RBFOX1: variants seen among roughly 807,000 people sequenced by gnomAD.
RBFOX1 encodes the protein RNA binding fox-1 homolog 1.
In RBFOX1, 8 loss-of-function variants were observed where a neutral mutation model predicts 57.7. The observed-to-expected ratio is 0.14, with a 90% CI of 0.08 to 0.25. RBFOX1 has a LOEUF of 0.25. RBFOX1 is among the 10% of genes least tolerant of loss of function. The probability of loss-of-function intolerance (pLI) is 1.00; values close to 1 mark genes in which losing one functional copy is unlikely to be tolerated. For missense variants in RBFOX1, 611 were observed against 548.5 expected, an observed-to-expected ratio of 1.11 and a Z score of -1.14; for synonymous variants, 326 against 222.4, an observed-to-expected ratio of 1.47 and a Z score of -4.15.
At position 7,616,651 on chromosome 16, in the gene RBFOX1, C is replaced by T. The variant is rs2058495229; in HGVS notation, c.676+9313C>T. 2.6e-5 allele frequency among the ~76,000 whole-genome samples: 4 copies of T among 152,220 alleles called. No homozygotes were observed. The South Asian group carries it at 8.3e-4, about 32-fold the overall frequency. On this transcript the variant is annotated intron_variant, in intron 10 of 15. Transcript: ENST00000550418. ...TTATCTTGTTTCACTGCAACCTCTGCCTCCCAGGTAGCTGGGATTACTGGT... is the reference window on the plus strand; with the variant it reads ...TTATCTTGTTTCACTGCAACCTCTGTCTCCCAGGTAGCTGGGATTACTGGT...
chr16:7,253,957 G>A (rs1310031759), intron 4 of RBFOX1, among the ~76,000 whole-genome samples: 7 of 152,184 alleles, frequency 4.6e-5, no homozygotes, highest in African/African-American at 7.2e-5. Flanking sequence ...GACTATTACA[G>A]TGTGAGACAG....
At chr16:5,275,930 A>T (rs1262954678) in intron 1 of RBFOX1, among the ~76,000 whole-genome samples, 1 of 152,122 alleles carries the variant, frequency 6.6e-6, no homozygotes, top group African/African-American at 2.4e-5. Flanking sequence ...AAAGCAAAGT[A>T]AGGAAAGTAC....
At chr16:7,537,278 A>G (rs180844463) in intron 5 of RBFOX1, among the ~76,000 whole-genome samples, 1 of 152,324 alleles carries the variant, frequency 6.6e-6, no homozygotes, top group African/African-American at 2.4e-5. Context: ...TGACCAAATA[A>G]TCTGCCAGAG....
At chr16:5,747,049 A>T (rs1316426621) in intron 3 of RBFOX1, among the ~76,000 whole-genome samples, 2 of 152,118 alleles carry the variant, frequency 1.3e-5, no homozygotes, top group Non-Finnish European at 2.9e-5. Flanking sequence ...TAGGATGGGA[A>T]TGCATCCCAT....
At chr16:6,805,753 T>C (rs2086616890) in intron 3 of RBFOX1, among the ~76,000 whole-genome samples, 1 of 152,152 alleles carries the variant, frequency 6.6e-6, no homozygotes, top group Non-Finnish European at 1.5e-5. Context: ...GGTTTTTCCC[T>C]CCACTGTAAA....
At chr16:6,378,502 G>A (rs1358555399) in intron 2 of RBFOX1, among the ~76,000 whole-genome samples, 1 of 152,356 alleles carries the variant, frequency 6.6e-6, no homozygotes. Flanking sequence ...GTTAGGGCAA[G>A]AGAGTCAGAG....
intron 4 of RBFOX1, among the ~76,000 whole-genome samples, chr16:7,361,945 CAT>C (rs1040536639): frequency 7.7e-6 from 1 of 129,694 alleles, no homozygotes; most frequent in Non-Finnish European, 1.6e-5. Flanking sequence ...TATGTGTGTG[CAT>C]GTTTTGTGTG....
chr16:6,784,981 G>C (rs892308370), intron 3 of RBFOX1, among the ~76,000 whole-genome samples: 1 of 151,986 alleles, frequency 6.6e-6, no homozygotes, highest in African/African-American at 2.4e-5. Flanking sequence ...TTTCTTCCTT[G>C]GGTAAACTCA....
intron 3 of RBFOX1, among the ~76,000 whole-genome samples, chr16:6,988,089 G>C (rs1032476598): frequency 1.5e-4 from 23 of 151,978 alleles, no homozygotes; most frequent in African/African-American, 5.3e-4. Context: ...GTAAAACCAA[G>C]AATCAAATGT....
rs574265250 is a variant in RBFOX1, at chr16:6,835,418, A to C, written c.-16+180768A>C. On this transcript the variant is annotated intron_variant, in intron 3 of 15. Coordinates refer to ENST00000550418, the MANE Select transcript of RBFOX1 (RefSeq NM_018723.4). ...TTAAAGGGACACAAGATTCAGAATC[A>C]CATTAACTTCCAAATCTCAGTGCCT... Among the ~76,000 whole-genome samples the C allele has an allele frequency of 3.7e-4, 56 of 152,276 alleles. No individual in the cohort carries two copies. The South Asian group carries it at 0.011, about 29-fold the overall frequency.
intron 4 of RBFOX1, among the ~76,000 whole-genome samples, chr16:5,880,153 C>T (rs916205043): frequency 6.6e-6 from 1 of 152,164 alleles, no homozygotes; most frequent in African/African-American, 2.4e-5. Flanking sequence ...CACTTTGTTC[C>T]ATTCATGTCA....
chr16:5,543,894 A>T (rs909281648), intron 2 of RBFOX1, among the ~76,000 whole-genome samples: 1 of 152,216 alleles, frequency 6.6e-6, no homozygotes, highest in East Asian at 1.9e-4. Flanking sequence ...ACAAAACAAA[A>T]ATAAAAACAC....
At chr16:6,230,753 G>C (rs967600205) in intron 1 of RBFOX1, among the ~76,000 whole-genome samples, 1 of 152,212 alleles carries the variant, frequency 6.6e-6, no homozygotes, top group Non-Finnish European at 1.5e-5. Flanking sequence ...CACCTGGGCT[G>C]TGACCTTCTG....
At chr16:7,424,153 A>G (rs962147684) in intron 4 of RBFOX1, among the ~76,000 whole-genome samples, 1 of 152,192 alleles carries the variant, frequency 6.6e-6, no homozygotes, top group African/African-American at 2.4e-5. Context: ...CCATGCAATG[A>G]TAAAGTGACT....
intron 1 of RBFOX1, among the ~76,000 whole-genome samples, chr16:6,110,573 A>G (rs1479715026): frequency 6.6e-6 from 1 of 152,206 alleles, no homozygotes; most frequent in African/African-American, 2.4e-5. Flanking sequence ...CCTCCAATTA[A>G]GATGGATCCA....
chr16:5,931,988 A>T (rs1326205805), intron 4 of RBFOX1, among the ~76,000 whole-genome samples: 1 of 151,270 alleles, frequency 6.6e-6, no homozygotes, highest in African/African-American at 2.4e-5. Context: ...TTTTTTGTAC[A>T]CTTGGGCCTC....
intron 5 of RBFOX1, among the ~76,000 whole-genome samples, chr16:7,558,429 A>G (rs1177924363): frequency 2.0e-5 from 3 of 152,110 alleles, no homozygotes; most frequent in African/African-American, 2.4e-5. Context: ...ATGTATAATT[A>G]TACTGTATGT....
At chr16:6,030,489 C>A (rs1234041304) in intron 1 of RBFOX1, among the ~76,000 whole-genome samples, 1 of 152,176 alleles carries the variant, frequency 6.6e-6, no homozygotes, top group African/African-American at 2.4e-5. Context: ...CTCTACCCTT[C>A]CATTTTAATT....
intron 3 of RBFOX1, among the ~76,000 whole-genome samples, chr16:6,986,229 C>G (rs533985607): frequency 8.1e-6 from 1 of 123,304 alleles, no homozygotes; most frequent in South Asian, 3.0e-4. Flanking sequence ...GAGACAGAGT[C>G]TTGGTCTGTC....
Sources: allele counts gnomAD v4.1 joint callset (sites outside exome capture counted in the v4.1 genomes callset), GRCh38; gene constraint gnomAD v4.1.1; transcripts MANE v1.5; gene names NCBI Gene and HGNC (gene_info 2026-07-23, HGNC 2026-07-21).